Variants in MAN2A1 observed in about 807,000 individuals in gnomAD.
MAN2A1 encodes the protein alpha-mannosidase 2.
Under a neutral mutation model 142.6 loss-of-function variants are expected in MAN2A1, and 76 were observed. That is an observed-to-expected ratio of 0.53 (90% CI 0.44 to 0.65). The LOEUF (loss-of-function observed/expected upper bound fraction) is 0.65. Ranked by LOEUF, MAN2A1 falls within the 30% of genes least tolerant of loss-of-function variation. The probability of loss-of-function intolerance (pLI) is 0.00; values close to 1 mark genes in which losing one functional copy is unlikely to be tolerated. For synonymous variants in MAN2A1, 559 were observed against 473.2 expected, an observed-to-expected ratio of 1.18 and a Z score of -2.35; for missense variants, 1,311 against 1,365.1, an observed-to-expected ratio of 0.96 and a Z score of 0.62.
At chr5:109,793,845 A>G (rs1332124794) in intron 12 of MAN2A1, among the ~76,000 whole-genome samples, 2 of 152,180 alleles carry the variant, frequency 1.3e-5, no homozygotes, top group African/African-American at 4.8e-5. Context: ...TGGTTTTTAT[A>G]TGTAAGACTT....
chr5:109,804,040 T>G (rs1356661245), intron 12 of MAN2A1: 1 of 314,278 alleles, frequency 3.2e-6, no homozygotes, highest in Admixed American at 6.5e-5. Flanking sequence ...TCTGAAATAG[T>G]AACATAAAGC....
At chr5:109,841,533 C>T (rs766330886) in intron 16 of MAN2A1, among the ~76,000 whole-genome samples, 16 of 152,166 alleles carry the variant, frequency 1.1e-4, no homozygotes, top group African/African-American at 3.1e-4. Context: ...ATTTCCTCTT[C>T]TCTATCTATG....
chr5:109,822,918 C>A (rs1233124412), intron 15 of MAN2A1, among the ~76,000 whole-genome samples: 1 of 152,140 alleles, frequency 6.6e-6, no homozygotes, highest in Non-Finnish European at 1.5e-5. Context: ...ACCTTGTGAT[C>A]CGCCCACCTC....
At chr5:109,776,352 C>G (rs1019369997) in intron 8 of MAN2A1, among the ~76,000 whole-genome samples, 2 of 151,990 alleles carry the variant, frequency 1.3e-5, no homozygotes, top group South Asian at 2.1e-4. Flanking sequence ...GAATTTTTAT[C>G]AGATTATGAA....
chr5:109,730,870 G>A (rs1436823668), intron 4 of MAN2A1, among the ~76,000 whole-genome samples: 1 of 152,076 alleles, frequency 6.6e-6, no homozygotes, highest in Non-Finnish European at 1.5e-5. Context: ...TGCACACTGC[G>A]CCATCCTGCC....
At chr5:109,774,758 G>C in intron 7 of MAN2A1, 30 bp from the exon 8 acceptor site, 1 of 1,542,708 alleles carries the variant, frequency 6.5e-7, no homozygotes, top group Non-Finnish European at 8.8e-7. Context: ...ATTCATATTT[G>C]CTGTTTTTTT....
chr5:109,693,183 A>G (rs564482078), intron 1 of MAN2A1, among the ~76,000 whole-genome samples: 17 of 134,134 alleles, frequency 1.3e-4, no homozygotes, highest in Admixed American at 9.0e-4. Flanking sequence ...CTAGAGATTT[A>G]TACCCTTCCC....
intron 1 of MAN2A1, among the ~76,000 whole-genome samples, chr5:109,696,243 G>A (rs907720220): frequency 4.6e-5 from 7 of 152,014 alleles, no homozygotes; most frequent in Admixed American, 4.6e-4. Context: ...TGGGATTACA[G>A]GCACAAGCCA....
chr5:109,772,992 C>A (rs933223352), intron 7 of MAN2A1, among the ~76,000 whole-genome samples: 1 of 152,072 alleles, frequency 6.6e-6, no homozygotes, highest in South Asian at 2.1e-4. Flanking sequence ...TTGACCGTCA[C>A]GTGATTTGAT....
chr5:109,799,470 G>A (rs923804828), intron 12 of MAN2A1, among the ~76,000 whole-genome samples: 7 of 152,032 alleles, frequency 4.6e-5, no homozygotes, highest in African/African-American at 1.7e-4. Context: ...AAACAAAAAA[G>A]CAGGCCAGGC....
chr5:109,792,313 C>CT (rs1029194181), intron 12 of MAN2A1, among the ~76,000 whole-genome samples: 3 of 151,862 alleles, frequency 2.0e-5, no homozygotes, highest in East Asian at 1.9e-4. Context: ...CTTGGAGAGT[C>CT]TTTTTTTTCT....
At chr5:109,736,248 G>A (rs1229436942) in intron 4 of MAN2A1, among the ~76,000 whole-genome samples, 1 of 152,104 alleles carries the variant, frequency 6.6e-6, no homozygotes, top group Non-Finnish European at 1.5e-5. Context: ...CAGCATTTCT[G>A]AATCTGTAGT....
chr5:109,700,855 GA>G, intron 1 of MAN2A1, among the ~76,000 whole-genome samples: 1 of 152,170 alleles, frequency 6.6e-6, no homozygotes, highest in East Asian at 1.9e-4. Context: ...ACATATATTT[GA>G]AAATTTACTG....
intron 3 of MAN2A1, among the ~76,000 whole-genome samples, chr5:109,726,040 A>G (rs1429559122): frequency 6.6e-6 from 1 of 152,190 alleles, no homozygotes; most frequent in African/African-American, 2.4e-5. Flanking sequence ...GGGTGGTAAT[A>G]GTGTTAGAAT....
intron 10 of MAN2A1, among the ~76,000 whole-genome samples, chr5:109,788,578 T>C (rs1050476374): frequency 4.6e-5 from 7 of 151,924 alleles, no homozygotes; most frequent in Admixed American, 3.3e-4. Flanking sequence ...TTAGAGCTTT[T>C]TCTAAAGTAG....
At chr5:109,751,760 T>C (rs980837918) in intron 4 of MAN2A1, among the ~76,000 whole-genome samples, 3 of 152,172 alleles carry the variant, frequency 2.0e-5, no homozygotes, top group African/African-American at 7.2e-5. Context: ...TGTTTCAGGC[T>C]AAATTCAGAT....
intron 8 of MAN2A1, among the ~76,000 whole-genome samples, chr5:109,780,302 A>C (rs1047446536): frequency 6.6e-6 from 1 of 151,062 alleles, no homozygotes; most frequent in Non-Finnish European, 1.5e-5. Context: ...CTCATGATCC[A>C]CCCGCCTCAG....
chr5:109,853,764 C>T (rs1417053352), intron 19 of MAN2A1: 1 of 152,176 alleles, frequency 6.6e-6, no homozygotes, highest in East Asian at 1.9e-4. Context: ...ATTGTTCCCT[C>T]TCTATTCATG....
chr5:109,865,531 A>G, intron 21 of MAN2A1: 1 of 181,520 alleles, frequency 5.5e-6, no homozygotes, highest in Non-Finnish European at 1.2e-5. Flanking sequence ...AGGCAAGTTT[A>G]TAATAACTGA....
Sources: gnomAD v4.1 joint callset for allele counts (sites outside exome capture counted in the v4.1 genomes callset) on GRCh38, gnomAD v4.1.1 for gene constraint, MANE v1.5 for transcripts, NCBI Gene and HGNC (gene_info 2026-07-23, HGNC 2026-07-21) for gene names.